AGBL4: variants seen among roughly 807,000 people sequenced by gnomAD.
AGBL4 encodes the protein AGBL carboxypeptidase 4.
Under a neutral mutation model 66.4 loss-of-function variants are expected in AGBL4, and 58 were observed. That is an observed-to-expected ratio of 0.87 (90% CI 0.71 to 1.09). The LOEUF (loss-of-function observed/expected upper bound fraction) is 1.09, where lower values mean the gene tolerates loss of function less well. AGBL4 is among the 50% of genes least tolerant of loss of function. AGBL4 has a pLI of 0.00. For missense variants in AGBL4, 579 were observed against 631.0 expected, an observed-to-expected ratio of 0.92 and a Z score of 0.88; for synonymous variants, 234 against 222.9, an observed-to-expected ratio of 1.05 and a Z score of -0.44.
At chr1:49,835,434 C>A (rs1330363772) in intron 2 of AGBL4, among the ~76,000 whole-genome samples, 1 of 152,066 alleles carries the variant, frequency 6.6e-6, no homozygotes, top group African/African-American at 2.4e-5. Context: ...GTAAATATTC[C>A]TCCATCCCTT....
At chr1:48,650,419 T>G (rs2148438112) in intron 8 of AGBL4, among the ~76,000 whole-genome samples, 1 of 151,714 alleles carries the variant, frequency 6.6e-6, no homozygotes, top group Middle Eastern at 3.4e-3. Context: ...TGGCTCTCTT[T>G]ACTGCACTAG....
intron 1 of AGBL4, among the ~76,000 whole-genome samples, chr1:49,906,116 CTG>C (rs59711282): frequency 0.089 from 13,026 of 147,120 alleles, 779 homozygotes; most frequent in African/African-American, 0.18. Flanking sequence ...AAACAGGACT[CTG>C]TGTGTGTGTG....
intron 3 of AGBL4, among the ~76,000 whole-genome samples, chr1:49,629,490 C>A (rs1645527809): frequency 6.6e-6 from 1 of 152,160 alleles, no homozygotes; most frequent in South Asian, 2.1e-4. Flanking sequence ...GTATATTGAT[C>A]TCAATTATAC....
intron 3 of AGBL4, among the ~76,000 whole-genome samples, chr1:49,599,061 T>C (rs1301548931): frequency 1.3e-5 from 2 of 152,172 alleles, no homozygotes; most frequent in East Asian, 1.9e-4. Context: ...CCTGAAATAC[T>C]CTTTTTTGTT....
intron 2 of AGBL4, among the ~76,000 whole-genome samples, chr1:49,730,905 T>C (rs1293655416): frequency 3.3e-5 from 5 of 152,230 alleles, no homozygotes; most frequent in Non-Finnish European, 7.3e-5. Context: ...TATTTATTAA[T>C]GAATGAAGGT....
intron 3 of AGBL4, among the ~76,000 whole-genome samples, chr1:49,557,037 T>A (rs1456789546): frequency 8.6e-5 from 13 of 152,038 alleles, no homozygotes; most frequent in Non-Finnish European, 2.9e-5. Context: ...CACTCGGAAC[T>A]CGCACTGGCC....
chr1:49,314,293 T>A (rs1178255882), intron 3 of AGBL4, among the ~76,000 whole-genome samples: 1 of 152,058 alleles, frequency 6.6e-6, no homozygotes, highest in African/African-American at 2.4e-5. Context: ...GCAGGTTTGT[T>A]ACATAGGTAT....
chr1:49,106,141 A>G (rs1350215619), intron 4 of AGBL4, among the ~76,000 whole-genome samples: 1 of 151,996 alleles, frequency 6.6e-6, no homozygotes, highest in Non-Finnish European at 1.5e-5. Context: ...GTTGTTCTCA[A>G]AGCAATTCTG....
intron 2 of AGBL4, among the ~76,000 whole-genome samples, chr1:49,849,516 C>T (rs1646253938): frequency 6.7e-6 from 1 of 150,112 alleles, no homozygotes; most frequent in South Asian, 2.1e-4. Context: ...CACATACATA[C>T]ATTAAGATGG....
chr1:49,139,657 A>G (rs1429289782), intron 4 of AGBL4, among the ~76,000 whole-genome samples: 2 of 152,344 alleles, frequency 1.3e-5, no homozygotes. Flanking sequence ...GGTACTGGAT[A>G]AATGTGTCAA....
chr1:48,633,301 C>T (rs1046246071), intron 9 of AGBL4, among the ~76,000 whole-genome samples: 1 of 152,118 alleles, frequency 6.6e-6, no homozygotes, highest in African/African-American at 2.4e-5. Context: ...TGATCAATAC[C>T]TATGTCGCTC....
chr1:48,843,266 G>C lies in AGBL4; in HGVS notation c.634+23925C>G, dbSNP rs72890084. Among the ~76,000 whole-genome samples, 235 of 152,192 alleles carry C rather than the reference G, an allele frequency of 1.5e-3. 4 individuals carry two copies. Among genetic ancestry groups the C allele is most frequent in the African/African-American group, 5.5e-3 (228 of 41,552 alleles). On this transcript the variant is annotated intron_variant, in intron 6 of 13. Transcript: ENST00000371839. Reference sequence around the variant, plus strand: ...TTTTGGAACAACAATGATTGATTTAGGGTTATTGAACTATGTGTGACTTAC... The same window carrying C: ...TTTTGGAACAACAATGATTGATTTACGGTTATTGAACTATGTGTGACTTAC...
chr1:49,412,616 A>T (rs968541437), intron 3 of AGBL4, among the ~76,000 whole-genome samples: 3 of 152,150 alleles, frequency 2.0e-5, no homozygotes, highest in Admixed American at 2.0e-4. Flanking sequence ...AAACAAACAA[A>T]CAAAAAACCA....
intron 3 of AGBL4, among the ~76,000 whole-genome samples, chr1:49,456,673 AC>A: frequency 6.6e-6 from 1 of 151,510 alleles, no homozygotes; most frequent in East Asian, 2.0e-4. Flanking sequence ...TGCACCCATC[AC>A]CCAAGCATTG....
At chr1:49,262,295 A>C (rs1473083471) in intron 3 of AGBL4, among the ~76,000 whole-genome samples, 1 of 152,232 alleles carries the variant, frequency 6.6e-6, no homozygotes, top group African/African-American at 2.4e-5. Flanking sequence ...AAAAGACAAA[A>C]TTGACAAATG....
At chr1:49,507,662 G>A (rs1258608146) in intron 3 of AGBL4, among the ~76,000 whole-genome samples, 1 of 151,728 alleles carries the variant, frequency 6.6e-6, no homozygotes, top group African/African-American at 2.4e-5. Context: ...ATTGATAAAT[G>A]TTTTTAAGTT....
At chr1:48,735,160 C>T (rs1416778237) in intron 6 of AGBL4, among the ~76,000 whole-genome samples, 1 of 152,230 alleles carries the variant, frequency 6.6e-6, no homozygotes, top group Non-Finnish European at 1.5e-5. Flanking sequence ...ACCCCTAAAT[C>T]CTGAAACACA....
At chr1:49,824,985 AT>A (rs142856082) in intron 2 of AGBL4, among the ~76,000 whole-genome samples, 3 of 152,014 alleles carry the variant, frequency 2.0e-5, no homozygotes, top group East Asian at 3.9e-4. Flanking sequence ...TACTCCATAG[AT>A]TTTTTTTCTC....
At chr1:49,224,388 C>A (rs1429278400) in intron 4 of AGBL4, among the ~76,000 whole-genome samples, 1 of 152,060 alleles carries the variant, frequency 6.6e-6, no homozygotes, top group Non-Finnish European at 1.5e-5. Flanking sequence ...GTGGCCAAGG[C>A]AGGCAGATCA....
Sources: gnomAD v4.1 joint callset for allele counts (sites outside exome capture counted in the v4.1 genomes callset) on GRCh38, gnomAD v4.1.1 for gene constraint, MANE v1.5 for transcripts, NCBI Gene and HGNC (gene_info 2026-07-23, HGNC 2026-07-21) for gene names.